Variants in USP16 observed in about 807,000 individuals in gnomAD.
The protein encoded by USP16 is ubiquitin carboxyl-terminal hydrolase 16.
Under a neutral mutation model 95.9 loss-of-function variants are expected in USP16, and 77 were observed. The ratio of observed to expected loss-of-function variants is 0.80; its 90% CI spans 0.67 to 0.97. USP16 has a LOEUF of 0.97. USP16 is among the 50% of genes least tolerant of loss of function. The pLI is 0.00. For missense variants in USP16, 943 were observed against 959.9 expected, an observed-to-expected ratio of 0.98 and a Z score of 0.23; for synonymous variants, 303 against 318.2, an observed-to-expected ratio of 0.95 and a Z score of 0.51.
intron 16 of USP16, chr21:29,052,120 A>G (rs1601077849): frequency 6.6e-6 from 1 of 152,144 alleles, no homozygotes; most frequent in Non-Finnish European, 1.5e-5. Context: ...CAGACCTACA[A>G]ATTTTGATTC....
At position 29,054,288 on chromosome 21, in the gene USP16, A is replaced by C; in HGVS notation, c.*101A>C. 7.4e-7 allele frequency: 1 copy of C among 1,350,248 alleles called. No homozygotes were observed. The highest frequency in any genetic ancestry group is 1.5e-5 in the African/African-American group (1 of 68,246). The allele number at this position is 1,350,248 out of a possible 1,614,324, so 83.6% of individuals were successfully genotyped here. On this transcript the variant is annotated 3_prime_UTR_variant, in exon 18 of 18. Transcript: ENST00000399976. ...ATTAAAATCATGTTCACTTAACATT[A>C]AATACATGCCAGAAGAAATCATGTT...
At chr21:29,030,502 T>A in intron 2 of USP16, 93 bp from the exon 3 acceptor site, 1 of 1,184,386 alleles carries the variant, frequency 8.4e-7, no homozygotes, top group Non-Finnish European at 1.1e-6. Context: ...TAAATTTCAT[T>A]TTTGAAATGT....
chr21:29,038,795 T>C (rs2085200548), intron 7 of USP16, among the ~76,000 whole-genome samples: 1 of 152,232 alleles, frequency 6.6e-6, no homozygotes, highest in Non-Finnish European at 1.5e-5. Context: ...GCTCTTTCAA[T>C]TCTTAGGTAG....
intron 5 of USP16, 74 bp downstream of exon 5, chr21:29,036,448 T>C: frequency 2.3e-6 from 3 of 1,317,686 alleles, no homozygotes; most frequent in Non-Finnish European, 3.2e-6. Context: ...TTTGTTATAC[T>C]ACCTAGCATT....
chr21:29,039,379 A>G, intron 8 of USP16, 102 bp from the exon 9 acceptor site: 1 of 1,327,968 alleles, frequency 7.5e-7, no homozygotes, highest in Non-Finnish European at 1.0e-6. Context: ...TGTAGAAACC[A>G]GAACTCTCTG....
intron 15 of USP16, among the ~76,000 whole-genome samples, chr21:29,049,669 C>T (rs2085384252): frequency 6.6e-6 from 1 of 152,222 alleles, no homozygotes; most frequent in African/African-American, 2.4e-5. Context: ...AAGCGATCCT[C>T]CCACCTTAGC....
intron 14 of USP16, among the ~76,000 whole-genome samples, chr21:29,047,946 GTA>G (rs143207827): frequency 2.7e-4 from 40 of 149,128 alleles, no homozygotes; most frequent in South Asian, 8.5e-4. Flanking sequence ...GTGTGTGTAT[GTA>G]TATATATATA....
Position 29,030,692 on chromosome 21 carries a change from T to C in USP16, c.159T>C (p.Thr53=), listed in dbSNP as rs1169507772. 6.2e-7 allele frequency: 1 copy of C among 1,613,856 alleles called. No homozygotes were observed. The highest frequency in any genetic ancestry group is 8.5e-7 in the Non-Finnish European group (1 of 1,179,942). ...VEWNICQDCK[T]DNKVKDKAEE... Reference sequence around the variant, plus strand: ...GGAATATCTGCCAAGACTGTAAGACTGACAATAAAGTGAAAGATAAAGCTG... The same window carrying C: ...GGAATATCTGCCAAGACTGTAAGACCGACAATAAAGTGAAAGATAAAGCTG... Residue 53 remains threonine, a synonymous_variant, in exon 3 of 18, where the codon ACT becomes ACC. Transcript: ENST00000399976.
chr21:29,028,448 T>C (rs550067226), intron 2 of USP16, among the ~76,000 whole-genome samples: 1 of 151,234 alleles, frequency 6.6e-6, no homozygotes, highest in Non-Finnish European at 1.5e-5. Flanking sequence ...TTTTGTTTTT[T>C]TTCCTGAGAC....
At chr21:29,031,238 A>G (rs1284164092) in intron 3 of USP16, among the ~76,000 whole-genome samples, 2 of 152,152 alleles carry the variant, frequency 1.3e-5, no homozygotes, top group Non-Finnish European at 1.5e-5. Flanking sequence ...AATGAGTAGT[A>G]CCTTGATCTT....
intron 7 of USP16, 56 bp downstream of exon 7, chr21:29,038,486 T>C: frequency 8.3e-7 from 1 of 1,209,076 alleles, no homozygotes; most frequent in Non-Finnish European, 1.2e-6. Context: ...GTGTGTTTTC[T>C]AAATTATTTT....
chr21:29,053,224 T>A (rs2085442968), intron 16 of USP16: 1 of 152,618 alleles, frequency 6.6e-6, no homozygotes, highest in South Asian at 2.1e-4. Context: ...CATAAATAGT[T>A]GTCTGAAAAG....
At chr21:29,034,309 T>C (rs1332864380) in intron 3 of USP16, among the ~76,000 whole-genome samples, 3 of 151,736 alleles carry the variant, frequency 2.0e-5, no homozygotes, top group African/African-American at 7.2e-5. Flanking sequence ...TTTCTTTTTT[T>C]TTTTTTTTTT....
At chr21:29,032,754 A>G (rs1266941554) in intron 3 of USP16, among the ~76,000 whole-genome samples, 2 of 152,264 alleles carry the variant, frequency 1.3e-5, no homozygotes. Flanking sequence ...GTGTGAACTT[A>G]GATTTCATTT....
At chr21:29,047,405 C>T (rs2146394216) in intron 14 of USP16, 84 bp downstream of exon 14, 1 of 1,401,508 alleles carries the variant, frequency 7.1e-7, no homozygotes, top group East Asian at 2.4e-5. Context: ...CTAATTGTAT[C>T]AGGATTTGGA....
chr21:29,044,447 CTT>C (rs5843364), intron 13 of USP16, among the ~76,000 whole-genome samples: 53 of 120,520 alleles, frequency 4.4e-4, no homozygotes, highest in Middle Eastern at 4.3e-3. Context: ...CTTCTTCATT[CTT>C]TTTTTTTTTT....
chr21:29,034,993 A>C, intron 4 of USP16, 53 bp downstream of exon 4: 1 of 1,510,794 alleles, frequency 6.6e-7, no homozygotes, highest in Non-Finnish European at 9.1e-7. Context: ...AATATTAGAG[A>C]ATGGAAATGT....
chr21:29,046,790 AAATCC>A lies in USP16; in HGVS notation c.1483_1487del (p.Ser495ProfsTer10). 6.2e-7 allele frequency: 1 copy of A among 1,614,162 alleles called. No homozygotes were observed. Among genetic ancestry groups the A allele is most frequent in the Non-Finnish European group, 8.5e-7 (1 of 1,180,018 alleles). On this transcript the variant is annotated frameshift_variant, in exon 14 of 18. Transcript: ENST00000399976. LOFTEE classifies it high-confidence loss of function. ...GTCACTTCAAGGAGAAGTAAATATT[AAATCC>A]AACCATATTTCACAAGAGGGTGTTA...
rs75707840 is a variant in USP16 at position 29,043,482 on chromosome 21, A to G, written c.1239A>G (p.Gln413=). 7 of 1,597,878 alleles carry G rather than the reference A, an allele frequency of 4.4e-6. No homozygotes were observed. The highest frequency in any genetic ancestry group is 5.1e-6 in the Non-Finnish European group (6 of 1,173,666). ...NLKKTVEDED[Q]DSEEEKDNDS... ...AAAAGACAGTGGAGGATGAAGATCAAGATAGTGAGGAAGAAAAAGATAACG... is the reference window on the plus strand; with the variant it reads ...AAAAGACAGTGGAGGATGAAGATCAGGATAGTGAGGAAGAAAAAGATAACG... The change falls in exon 13 of 18, where the codon CAA becomes CAG. Residue 413 remains glutamine (Q), a synonymous_variant. Transcript: ENST00000399976.
Sources: gnomAD v4.1 joint callset for allele counts (sites outside exome capture counted in the v4.1 genomes callset) on GRCh38, gnomAD v4.1.1 for gene constraint, MANE v1.5 for transcripts, NCBI Gene and HGNC (gene_info 2026-07-23, HGNC 2026-07-21) for gene names.